Variants in CENPE observed in about 807,000 individuals in gnomAD.
CENPE encodes the protein centromere-associated protein E.
Under a neutral mutation model 336.1 loss-of-function variants are expected in CENPE, and 145 were observed. That is an observed-to-expected ratio of 0.43 (90% confidence interval 0.38 to 0.50). The LOEUF is 0.50. Ranked by LOEUF, CENPE falls within the 20% of genes least tolerant of loss-of-function variation. The pLI is 0.00. For synonymous variants in CENPE, 1,013 were observed against 984.8 expected, an observed-to-expected ratio of 1.03 and a Z score of -0.54; for missense variants, 2,719 against 3,023.3, an observed-to-expected ratio of 0.90 and a Z score of 2.36.
chr4:103,196,610 T>G, intron 2 of CENPE, 149 bp downstream of exon 2: 1 of 606,354 alleles, frequency 1.6e-6, no homozygotes, highest in Non-Finnish European at 3.0e-6. Flanking sequence ...CTTAAATACA[T>G]GATGGATAAA....
chr4:103,180,070 A>G lies in CENPE; in HGVS notation c.1242+241T>C, dbSNP rs1756202746. Among the ~76,000 whole-genome samples, 3 of 152,342 alleles carry G rather than the reference A, an allele frequency of 2.0e-5. No homozygotes were observed. In the South Asian group the frequency reaches 6.2e-4, roughly 32 times the overall value. On this transcript the variant is annotated intron_variant, in intron 13 of 48. Coordinates refer to ENST00000265148, the MANE Select transcript of CENPE (RefSeq NM_001813.3). The stretch of plus-strand genomic sequence containing the variant: ...CCAGTTTCTCTAGAATTTATTAAGC[A>G]GAATATTGCAAATAAATTATTTAAA...
chr4:103,134,087 G>T (rs1011930757), intron 40 of CENPE, among the ~76,000 whole-genome samples, 195 bp from the exon 41 acceptor site: 1 of 152,118 alleles, frequency 6.6e-6, no homozygotes, highest in African/African-American at 2.4e-5. Flanking sequence ...CTAACTCCCA[G>T]ACCTATAATT....
chr4:103,120,164 G>T lies in CENPE; in HGVS notation c.7313C>A (p.Thr2438Lys). ...TTAAGTTACCTGAAGTACTTGAATT[G>T]TCTCTTTTGTTTTTTCAAGGCATTT... Reference protein sequence around the residue: ...SNKCLEKTKETIQVLQDKVAL... With the variant: ...SNKCLEKTKEKIQVLQDKVAL... The change falls in exon 44 of 49, where the codon ACA becomes AAA. Residue 2438 changes from threonine to lysine, a missense_variant. By Grantham distance (78) the Thr-to-Lys change is moderately conservative (BLOSUM62 -1). Transcript: ENST00000265148. 6.3e-7 allele frequency: 1 copy of T among 1,599,744 alleles called. No homozygotes were observed. Among genetic ancestry groups the T allele is most frequent in the Non-Finnish European group, 8.5e-7 (1 of 1,174,962 alleles).
chr4:103,174,745 T>C lies in CENPE; in HGVS notation c.1638A>G (p.Lys546=). The C allele has an allele frequency of 6.6e-7, 1 of 1,520,802 alleles. No individual in the cohort carries two copies. Among genetic ancestry groups the C allele is most frequent in the Non-Finnish European group, 8.8e-7 (1 of 1,136,144 alleles). The allele number at this position is 1,520,802 out of a possible 1,614,324, so 94.2% of individuals were successfully genotyped here. ...EFEALERKTK[K]DQEMQLIHEI... ...TTTCTGTCTCTCTTACCTCTTGATC[T>C]TTTTTAGTTTTTCTTTCTAGAGCCT... is the stretch of plus-strand genomic sequence containing the variant. The change falls in exon 16 of 49, where the codon AAA becomes AAG. Residue 546 remains lysine, a synonymous_variant. Coordinates refer to ENST00000265148, the MANE Select transcript of CENPE (RefSeq NM_001813.3).
At chr4:103,172,583 C>A (rs780617400) in intron 16 of CENPE, among the ~76,000 whole-genome samples, 9 of 151,912 alleles carry the variant, frequency 5.9e-5, no homozygotes, top group Non-Finnish European at 1.2e-4. Context: ...CAACATAGTA[C>A]AGGAAGTTCT....
rs1752510330 is a variant in CENPE, at chr4:103,141,012, T to C, written c.5556A>G (p.Leu1852=). The C allele has an allele frequency of 3.1e-6, 5 of 1,607,358 alleles. No homozygotes were observed. The highest frequency in any genetic ancestry group is 4.3e-6 in the Non-Finnish European group (5 of 1,174,754). ...TQKKVSEMEQ[L]KKQIKDQSLT... ...AGCTTTGGTCTTTTATTTGTTTCTT[T>C]AGTTGCTCCATTTCAGACACTTTTT... Residue 1852 remains leucine (L), a synonymous_variant, in exon 36 of 49, where the codon CTA becomes CTG. Transcript: ENST00000265148.
rs1409231649 is a variant in CENPE at position 103,131,636 on chromosome 4, C to CA, written c.6924+1056dup. ...CAAGAGAGTTGAAAATGTATGTCCA[C>CA]ACAAAAAGATACATATGTATGTTTA... On this transcript the variant is annotated intron_variant, in intron 42 of 48. Coordinates refer to ENST00000265148, the MANE Select transcript of CENPE (RefSeq NM_001813.3). Among the ~76,000 whole-genome samples the CA allele has an allele frequency of 4.6e-5, 7 of 152,072 alleles. 1 individual carries two copies. The East Asian group carries it at 1.3e-3, about 29-fold the overall frequency.
intron 44 of CENPE, 27 bp downstream of exon 44, chr4:103,120,121 C>CA (rs1469994321): frequency 4.6e-6 from 7 of 1,511,194 alleles, no homozygotes; most frequent in Non-Finnish European, 3.6e-6. Context: ...AACAAACAAA[C>CA]AACTTTTATT....
intron 16 of CENPE, among the ~76,000 whole-genome samples, chr4:103,173,508 C>G (rs780801407): frequency 8.5e-6 from 1 of 117,234 alleles, no homozygotes; most frequent in Non-Finnish European, 2.0e-5. Context: ...AACAAATAAA[C>G]GGAATTACAA....
intron 48 of CENPE, among the ~76,000 whole-genome samples, chr4:103,106,806 G>A (rs1748940349): frequency 6.6e-6 from 1 of 151,822 alleles, no homozygotes; most frequent in East Asian, 1.9e-4. Flanking sequence ...ACTGGTCTTG[G>A]CAATTACCTT....
chr4:103,136,232 A>T lies in CENPE; in HGVS notation c.6431T>A (p.Leu2144His). The T allele has an allele frequency of 6.2e-7, 1 of 1,613,806 alleles. No homozygotes were observed. Among genetic ancestry groups the T allele is most frequent in the Non-Finnish European group, 8.5e-7 (1 of 1,179,814 alleles). Residue 2144 changes from leucine (L) to histidine (H), a missense_variant, in exon 40 of 49, where the codon CTT becomes CAT. This residue lies in a region of CENPE where 2,437 missense variants were observed against 2,513.3 expected (regional missense o/e 0.97). Coordinates refer to ENST00000265148, the MANE Select transcript of CENPE (RefSeq NM_001813.3). ...AATGTGTTTGGTTTGTAAATAGGGA[A>T]GTGAGAGGTTTGCTTTAACTCTCAT... is the stretch of plus-strand genomic sequence containing the variant. The part of the protein sequence containing the change: ...LSMRVKANLS[L>H]PYLQTKHIEK...
At chr4:103,169,060 A>G (rs1218772424) in intron 16 of CENPE, among the ~76,000 whole-genome samples, 1 of 152,190 alleles carries the variant, frequency 6.6e-6, no homozygotes, top group Non-Finnish European at 1.5e-5. Context: ...CCTCAAGAAA[A>G]CATAGAGAAA....
At position 103,141,090 on chromosome 4, in the gene CENPE, C is replaced by T. The variant is rs777325333; in HGVS notation, c.5478G>A (p.Lys1826=). Residue 1826 remains lysine (K), a synonymous_variant, in exon 36 of 49, where the codon AAG becomes AAA. Transcript: ENST00000265148. The part of the protein sequence containing the change: ...AKLQEKIQEL[K]ANEHQLITLK... ...ACGTAATAAGTTGATGTTCATTTGC[C>T]TTAAGTTCTTGAATCTTAAGATAAT... The T allele has an allele frequency of 1.1e-5, 17 of 1,550,776 alleles. No individual in the cohort carries two copies. Among genetic ancestry groups the T allele is most frequent in the African/African-American group, 2.8e-5 (2 of 72,278 alleles).
intron 25 of CENPE, 104 bp from the exon 26 acceptor site, chr4:103,151,481 G>T (rs1346095713): frequency 7.1e-6 from 6 of 845,570 alleles, no homozygotes; most frequent in Non-Finnish European, 1.0e-5. Context: ...AAGAAATCAG[G>T]GAAAACTATA....
chr4:103,169,321 A>C (rs1204133077), intron 16 of CENPE, among the ~76,000 whole-genome samples: 2 of 152,170 alleles, frequency 1.3e-5, no homozygotes, highest in East Asian at 1.9e-4. Flanking sequence ...GGGTCACTGC[A>C]GTTCAAGTAG....
At chr4:103,145,392 CACAT>C (rs1235757764) in intron 31 of CENPE, 58 bp from the exon 32 acceptor site, 66 of 1,332,800 alleles carry the variant, frequency 5.0e-5, no homozygotes, top group Non-Finnish European at 6.7e-5. Flanking sequence ...CACACACACA[CACAT>C]ACACAACTTA....
intron 8 of CENPE, among the ~76,000 whole-genome samples, chr4:103,192,228 G>C (rs1235947098): frequency 6.6e-6 from 1 of 152,176 alleles, no homozygotes; most frequent in East Asian, 1.9e-4. Context: ...TTCTTGCACA[G>C]TGTCCACTAC....
At chr4:103,188,290 C>T (rs1462108101) in intron 8 of CENPE, among the ~76,000 whole-genome samples, 1 of 152,148 alleles carries the variant, frequency 6.6e-6, no homozygotes, top group East Asian at 1.9e-4. Context: ...CTGCACCAAG[C>T]AGACCTAATA....
intron 13 of CENPE, among the ~76,000 whole-genome samples, chr4:103,179,935 A>T (rs573908458): frequency 1.3e-5 from 2 of 152,340 alleles, no homozygotes; most frequent in East Asian, 3.9e-4. Flanking sequence ...GTCTACATTG[A>T]CACAATTATG....
Sources: allele counts gnomAD v4.1 joint callset (sites outside exome capture counted in the v4.1 genomes callset), GRCh38; gene constraint gnomAD v4.1.1; regional missense constraint gnomAD v4.1.1; transcripts MANE v1.5; gene names NCBI Gene and HGNC (gene_info 2026-07-23, HGNC 2026-07-21).